The following PCSK5 variants were observed in gnomAD, a reference collection of about 807,000 sequenced individuals.
PCSK5 encodes prohormone convertase 5.
In PCSK5, 129 loss-of-function variants were observed where a neutral mutation model predicts 233.2. That is an observed-to-expected ratio of 0.55 (90% CI 0.48 to 0.64). PCSK5 has a LOEUF of 0.64. Ranked by LOEUF, PCSK5 falls within the 30% of genes least tolerant of loss-of-function variation. PCSK5 has a pLI of 0.00. For missense variants in PCSK5, 2,076 were observed against 2,430.1 expected (o/e 0.85, Z 3.06); for synonymous variants, 825 against 879.2 (o/e 0.94, Z 1.09).
At chr9:76,289,217 G>A (rs570365397) in intron 24 of PCSK5, among the ~76,000 whole-genome samples, 129 of 152,102 alleles carry the variant, frequency 8.5e-4, no homozygotes, top group African/African-American at 2.9e-3. Flanking sequence ...GCATCTGCTC[G>A]CATGTTCTCC....
rs925580456 is a variant in PCSK5 at position 76,014,080 on chromosome 9, A to AG, written c.412-9657dup. 2.7e-4 allele frequency among the ~76,000 whole-genome samples: 41 copies of AG among 150,786 alleles called. 1 individual carries two copies. The highest frequency in any genetic ancestry group is 1.6e-3 in the Admixed American group (25 of 15,218). ...CTCCTCCTGAGACCTCAGTGAATAG[A>AG]GAGGAGGCAGAGGTTTCTCAGCAGA... On this transcript the variant is annotated intron_variant, in intron 3 of 37. Coordinates refer to ENST00000674117, the MANE Select transcript of PCSK5 (RefSeq NM_001372043.1).
chr9:75,924,357 T>TAA (rs796386741), intron 1 of PCSK5, among the ~76,000 whole-genome samples: 6 of 151,404 alleles, frequency 4.0e-5, no homozygotes, highest in African/African-American at 1.5e-4. Flanking sequence ...AACTAAAGTC[T>TAA]AAAAAAAAAT....
chr9:76,285,769 CT>C (rs1828042727), intron 24 of PCSK5, among the ~76,000 whole-genome samples: 1 of 151,832 alleles, frequency 6.6e-6, no homozygotes. Flanking sequence ...TGAGTTTCTT[CT>C]GTCTCCCCCA....
chr9:76,048,279 G>A (rs1829495029), intron 5 of PCSK5, among the ~76,000 whole-genome samples: 1 of 152,190 alleles, frequency 6.6e-6, no homozygotes. Flanking sequence ...GGAGAGGGGT[G>A]CTCGAATTGG....
intron 8 of PCSK5, among the ~76,000 whole-genome samples, chr9:76,101,226 C>T (rs1831743349): frequency 6.6e-6 from 1 of 152,172 alleles, no homozygotes; most frequent in Non-Finnish European, 1.5e-5. Flanking sequence ...GCATAAATGA[C>T]TAGCAAACAT....
At chr9:75,996,954 T>C (rs1031834410) in intron 3 of PCSK5, among the ~76,000 whole-genome samples, 4 of 152,198 alleles carry the variant, frequency 2.6e-5, no homozygotes, top group African/African-American at 9.6e-5. Flanking sequence ...TGATTCAAGT[T>C]CTTTTATCAA....
intron 20 of PCSK5, among the ~76,000 whole-genome samples, chr9:76,200,311 T>C (rs1824866464): frequency 6.6e-6 from 1 of 152,146 alleles, no homozygotes; most frequent in Non-Finnish European, 1.5e-5. Context: ...ACCAGCTTGT[T>C]TGGGACCCAG....
intron 20 of PCSK5, among the ~76,000 whole-genome samples, chr9:76,206,406 C>G (rs1825117040): frequency 6.6e-6 from 1 of 152,218 alleles, no homozygotes; most frequent in Admixed American, 6.5e-5. Context: ...GGTGATGCAT[C>G]TGGAAGCATA....
chr9:76,277,750 G>A (rs1827737865), intron 24 of PCSK5, among the ~76,000 whole-genome samples: 2 of 152,190 alleles, frequency 1.3e-5, no homozygotes, highest in Admixed American at 6.5e-5. Context: ...AACTGTCAGA[G>A]GATCCATTTT....
chr9:76,263,695 G>C lies in PCSK5; in HGVS notation c.3142+23011G>C, dbSNP rs1351914546. Among the ~76,000 whole-genome samples, 4 of 151,800 alleles carry C rather than the reference G, an allele frequency of 2.6e-5. No individual in the cohort carries two copies. In the East Asian group the frequency reaches 7.7e-4, roughly 29 times the overall value. ...CTAATGCTAAATGATGAGTTAATGG[G>C]TGCAGCACACCAGCATGGCACATGT... On this transcript the variant is annotated intron_variant, in intron 24 of 37. Coordinates refer to ENST00000674117, the MANE Select transcript of PCSK5 (RefSeq NM_001372043.1).
intron 24 of PCSK5, among the ~76,000 whole-genome samples, chr9:76,260,908 T>A (rs1426352207): frequency 6.6e-6 from 1 of 152,228 alleles, no homozygotes; most frequent in African/African-American, 2.4e-5. Flanking sequence ...GCATTTCTTA[T>A]AAATATTATT....
intron 30 of PCSK5, among the ~76,000 whole-genome samples, chr9:76,317,754 T>C (rs1829071903): frequency 6.6e-6 from 1 of 152,328 alleles, no homozygotes; most frequent in Non-Finnish European, 1.5e-5. Flanking sequence ...GCATAAAATG[T>C]GCCCGATTGA....
chr9:75,970,632 T>C (rs1383073164), intron 2 of PCSK5, among the ~76,000 whole-genome samples: 1 of 152,110 alleles, frequency 6.6e-6, no homozygotes, highest in African/African-American at 2.4e-5. Context: ...ATTTATTTAT[T>C]TTTTTTGGAG....
At chr9:75,973,022 C>A (rs1825870010) in intron 2 of PCSK5, among the ~76,000 whole-genome samples, 1 of 152,058 alleles carries the variant, frequency 6.6e-6, no homozygotes, top group Non-Finnish European at 1.5e-5. Flanking sequence ...GTTTCAGGTC[C>A]CTTACAATCA....
chr9:76,267,184 A>C (rs1387358631), intron 24 of PCSK5, among the ~76,000 whole-genome samples: 2 of 152,182 alleles, frequency 1.3e-5, no homozygotes, highest in East Asian at 3.9e-4. Context: ...TGGAGCTCTT[A>C]TTCTCAGTAA....
At chr9:75,965,283 GTGTGTGTGGAGA>G (rs1825530212) in intron 2 of PCSK5, among the ~76,000 whole-genome samples, 1 of 141,492 alleles carries the variant, frequency 7.1e-6, no homozygotes, top group African/African-American at 2.6e-5. Context: ...GTGTGTGTGT[GTGTGTGTGGAGA>G]GAGAGAGAGA....
At chr9:76,088,410 G>A (rs7028037) in intron 7 of PCSK5, among the ~76,000 whole-genome samples, 4,186 of 152,258 alleles carry the variant, frequency 0.027, 140 homozygotes, top group African/African-American at 0.076. Flanking sequence ...ATTAATGAGC[G>A]TTTGCTTTAA....
intron 27 of PCSK5, among the ~76,000 whole-genome samples, chr9:76,300,375 T>A (rs1828563859): frequency 6.6e-6 from 1 of 152,198 alleles, no homozygotes; most frequent in Non-Finnish European, 1.5e-5. Context: ...CACATGGCAC[T>A]GGGTAAGTAA....
intron 22 of PCSK5, among the ~76,000 whole-genome samples, chr9:76,237,640 G>A (rs925706718): frequency 1.3e-5 from 2 of 151,932 alleles, no homozygotes; most frequent in African/African-American, 4.8e-5. Context: ...GTTGGGCATG[G>A]TGGCACGCAC....
Sources: gnomAD v4.1 joint callset for allele counts (sites outside exome capture counted in the v4.1 genomes callset) on GRCh38, gnomAD v4.1.1 for gene constraint, MANE v1.5 for transcripts, NCBI Gene and HGNC (gene_info 2026-07-23, HGNC 2026-07-21) for gene names.